Variants in ZNF429 observed in about 807,000 individuals in gnomAD.
The protein encoded by ZNF429 is zinc finger protein 429.
A neutral mutation model predicts 56.8 loss-of-function variants in ZNF429; 53 were observed. The ratio of observed to expected loss-of-function variants is 0.93; its 90% CI spans 0.75 to 1.17. The LOEUF (loss-of-function observed/expected upper bound fraction) is 1.17, where lower values mean the gene tolerates loss of function less well. Ranked by LOEUF, ZNF429 falls within the 50% of genes most tolerant of loss-of-function variation. The pLI, the probability that ZNF429 is intolerant of heterozygous loss-of-function variation, is 0.00. For synonymous variants in ZNF429, 278 were observed against 264.7 expected, an observed-to-expected ratio of 1.05 and a Z score of -0.49; for missense variants, 849 against 788.4, an observed-to-expected ratio of 1.08 and a Z score of -0.92.
chr19:21,525,363 A>G (rs2033125738), intron 1 of ZNF429, among the ~76,000 whole-genome samples: 1 of 152,216 alleles, frequency 6.6e-6, no homozygotes, highest in Non-Finnish European at 1.5e-5. Context: ...TCTGGAATTT[A>G]AGTTTTTCTT....
intron 1 of ZNF429, among the ~76,000 whole-genome samples, chr19:21,506,348 T>C (rs2145404065): frequency 6.7e-6 from 1 of 149,688 alleles, no homozygotes; most frequent in South Asian, 2.1e-4. Context: ...ATCCCAGCTA[T>C]GTGGGAGGCT....
chr19:21,508,242 T>TG (rs1282399842), intron 1 of ZNF429, among the ~76,000 whole-genome samples: 15 of 140,690 alleles, frequency 1.1e-4, no homozygotes, highest in Admixed American at 1.1e-3. Flanking sequence ...AAACTCCATC[T>TG]GAAAAAAAAA....
At chr19:21,516,933 T>C (rs549107070) in intron 1 of ZNF429, among the ~76,000 whole-genome samples, 20 of 152,012 alleles carry the variant, frequency 1.3e-4, no homozygotes, top group African/African-American at 3.9e-4. Context: ...ATGCCTGTTA[T>C]TTATTTCTCT....
At chr19:21,525,410 C>CA (rs2033127436) in intron 1 of ZNF429, among the ~76,000 whole-genome samples, 1 of 149,422 alleles carries the variant, frequency 6.7e-6, no homozygotes, top group Admixed American at 6.7e-5. Context: ...GAAGTACCCC[C>CA]ACTGGCATAG....
chr19:21,537,472 A>G lies in ZNF429; in HGVS notation c.1419A>G (p.Arg473=), dbSNP rs1187498595. Residue 473 remains arginine (R), a synonymous_variant, in exon 4 of 4, where the codon AGA becomes AGG. Transcript: ENST00000358491. The part of the protein sequence containing the change: ...NRSSHLTSHR[R]IHTGEKPYKC... ...CCTCACACCTTACTAGCCATAGGAG[A>G]ATTCATACTGGAGAGAAACCCTACA... is the stretch of plus-strand genomic sequence containing the variant. 3 of 1,614,022 alleles carry G rather than the reference A, an allele frequency of 1.9e-6. No individual in the cohort carries two copies. The highest frequency in any genetic ancestry group is 1.6e-4 in the Middle Eastern group (1 of 6,062).
intron 2 of ZNF429, among the ~76,000 whole-genome samples, chr19:21,530,172 A>C: frequency 1.7e-4 from 25 of 151,242 alleles, no homozygotes; most frequent in Non-Finnish European, 2.2e-4. Flanking sequence ...GCCTGGGCAA[A>C]AGAGCGAGAC....
At chr19:21,535,373 CTTTCTTTT>C in intron 3 of ZNF429, among the ~76,000 whole-genome samples, 1 of 70,506 alleles carries the variant, frequency 1.4e-5, no homozygotes, top group Non-Finnish European at 2.8e-5. Flanking sequence ...TTCTTTCTTT[CTTTCTTTT>C]TTACTTTCTT....
intron 1 of ZNF429, among the ~76,000 whole-genome samples, chr19:21,517,717 G>T (rs1385957010): frequency 6.6e-6 from 1 of 151,552 alleles, no homozygotes; most frequent in Admixed American, 6.6e-5. Context: ...TAGTTTGTGT[G>T]CATAGAGATG....
chr19:21,516,423 C>T (rs2650825), intron 1 of ZNF429, among the ~76,000 whole-genome samples: 122,637 of 152,084 alleles, frequency 0.81, 50,103 homozygotes, highest in African/African-American at 0.94. Flanking sequence ...ATTGGCTCTT[C>T]GGGCTTTTTT....
chr19:21,505,872 C>T (rs1374895170), intron 1 of ZNF429, 98 bp downstream of exon 1: 5 of 1,338,680 alleles, frequency 3.7e-6, no homozygotes, highest in South Asian at 1.2e-5. Context: ...GCAGTCAGCT[C>T]CACAATCTGC....
chr19:21,526,973 C>T (rs2033193475), intron 1 of ZNF429, among the ~76,000 whole-genome samples: 1 of 152,114 alleles, frequency 6.6e-6, no homozygotes, highest in African/African-American at 2.4e-5. Flanking sequence ...GCCCATTCCA[C>T]TTTGGCTCTT....
chr19:21,537,262 C>T lies in ZNF429; in HGVS notation c.1209C>T (p.Gly403=). ...GEEPYKFEKC[G]RVFTCSSTLT... ...AACCCTACAAATTTGAAAAATGTGG[C>T]AGAGTTTTTACCTGTTCCTCAACAC... is the stretch of plus-strand genomic sequence containing the variant. Residue 403 remains glycine (G), a synonymous_variant, in exon 4 of 4, where the codon GGC becomes GGT. Transcript: ENST00000358491. The T allele has an allele frequency of 6.2e-7, 1 of 1,613,850 alleles. No individual in the cohort carries two copies. Among genetic ancestry groups the T allele is most frequent in the East Asian group, 2.2e-5 (1 of 44,836 alleles).
rs1322671540 is a variant in ZNF429, at chr19:21,536,456, C to G, written c.403C>G (p.Gln135Glu). 1 of 1,613,400 alleles carries G rather than the reference C, an allele frequency of 6.2e-7. No individual in the cohort carries two copies. Among genetic ancestry groups the G allele is most frequent in the East Asian group, 2.2e-5 (1 of 44,814 alleles). The change falls in exon 4 of 4, where the codon CAA (glutamine) becomes GAA (glutamate). Residue 135 changes from glutamine to glutamate, a missense_variant. By Grantham distance (29) the Gln-to-Glu change is conservative. Coordinates refer to ENST00000358491, the MANE Select transcript of ZNF429 (RefSeq NM_001001415.4). ...LYKGGYNGLN[Q>E]CLTLTQSKMY... is the part of the protein sequence containing the mutation. ...CAAAGGAGGTTATAATGGACTTAAC[C>G]AATGTTTGACACTTACCCAGAGCAA...
chr19:21,520,301 T>C (rs2032945626), intron 1 of ZNF429, among the ~76,000 whole-genome samples: 1 of 152,238 alleles, frequency 6.6e-6, no homozygotes, highest in African/African-American at 2.4e-5. Flanking sequence ...GTCCAAGGGT[T>C]CAGGGACATG....
chr19:21,535,519 C>G lies in ZNF429; in HGVS notation c.227-761C>G. ...TTCTTCTTTCTTTCTTTCTTTCCTT[C>G]TTTTTCTTTTTTTGAGACAGAGTCT... is the stretch of plus-strand genomic sequence containing the variant. On this transcript the variant is annotated intron_variant, in intron 3 of 3. Transcript: ENST00000358491. 8.9e-5 allele frequency among the ~76,000 whole-genome samples: 11 copies of G among 124,224 alleles called. 1 individual carries two copies. The highest frequency in any genetic ancestry group is 3.5e-4 in the African/African-American group (11 of 31,766). 81.5% of individuals were successfully genotyped at this position (124,224 alleles called of 152,430 possible).
chr19:21,509,163 C>T (rs1048448388), intron 1 of ZNF429, among the ~76,000 whole-genome samples: 40 of 152,090 alleles, frequency 2.6e-4, no homozygotes, highest in Non-Finnish European at 3.8e-4. Flanking sequence ...CGCACACTGT[C>T]GCGCCAGCCT....
intron 1 of ZNF429, among the ~76,000 whole-genome samples, chr19:21,511,154 C>T (rs193116727): frequency 0.019 from 2,951 of 151,620 alleles, 113 homozygotes; most frequent in African/African-American, 0.067. Flanking sequence ...CCAGAAGGGG[C>T]GGCCAGGCAG....
At chr19:21,513,782 T>C (rs1318544662) in intron 1 of ZNF429, among the ~76,000 whole-genome samples, 2 of 152,160 alleles carry the variant, frequency 1.3e-5, no homozygotes, top group Non-Finnish European at 2.9e-5. Flanking sequence ...GGATGAAAAC[T>C]TAGAGGGAAC....
At position 21,530,539 on chromosome 19, in the gene ZNF429, T is replaced by C; in HGVS notation, c.131-50T>C. On this transcript the variant is annotated intron_variant, in intron 2 of 3. Coordinates refer to ENST00000358491, the MANE Select transcript of ZNF429 (RefSeq NM_001001415.4). ...TTTACTGAGCACATTACTAAATTGG[T>C]AATTACAGAATATAAGCAAGATTCA... is the stretch of plus-strand genomic sequence containing the variant. 9.6e-6 allele frequency: 13 copies of C among 1,357,488 alleles called. No individual in the cohort carries two copies. The African/African-American group carries it at 1.2e-4, about 12-fold the overall frequency. The allele number at this position is 1,357,488 out of a possible 1,614,324, so 84.1% of individuals were successfully genotyped here. A position where few individuals can be genotyped will look rare whatever the true frequency, so the allele number is the denominator to read the frequency against.
Sources: allele counts gnomAD v4.1 joint callset (sites outside exome capture counted in the v4.1 genomes callset), GRCh38; gene constraint gnomAD v4.1.1; transcripts MANE v1.5; gene names NCBI Gene and HGNC (gene_info 2026-07-23, HGNC 2026-07-21).